The following DAB1 variants were observed in gnomAD, a reference collection of about 807,000 sequenced individuals.
DAB1 encodes the protein disabled homolog 1.
A neutral mutation model predicts 64.6 loss-of-function variants in DAB1; 15 were observed. The ratio of observed to expected loss-of-function variants is 0.23; its 90% CI spans 0.16 to 0.36. The LOEUF (loss-of-function observed/expected upper bound fraction) is 0.36. DAB1 is among the 10% of genes least tolerant of loss of function. The pLI, the probability that DAB1 is intolerant of heterozygous loss-of-function variation, is 1.00. For missense variants in DAB1, 596 were observed against 706.7 expected (o/e 0.84, Z 1.78); for synonymous variants, 235 against 251.9 (o/e 0.93, Z 0.64).
At chr1:57,857,223 T>C (rs1188058072) in intron 1 of DAB1, among the ~76,000 whole-genome samples, 1 of 152,214 alleles carries the variant, frequency 6.6e-6, no homozygotes, top group Admixed American at 6.5e-5. Flanking sequence ...TGGGCATTGT[T>C]AGACAAGGAA....
chr1:57,483,292 G>C (rs1173353665), intron 7 of DAB1, among the ~76,000 whole-genome samples: 1 of 152,134 alleles, frequency 6.6e-6, no homozygotes, highest in Non-Finnish European at 1.5e-5. Flanking sequence ...TGTGTTGTGA[G>C]GGGAGTCCAG....
intron 7 of DAB1, among the ~76,000 whole-genome samples, chr1:57,478,703 C>G (rs1643971389): frequency 6.6e-6 from 1 of 150,724 alleles, no homozygotes; most frequent in Non-Finnish European, 1.5e-5. Context: ...AGCGATTCTC[C>G]TGCCTCAGCC....
At chr1:58,069,465 G>A (rs961645801) in intron 5 of DAB1, among the ~76,000 whole-genome samples, 5 of 151,790 alleles carry the variant, frequency 3.3e-5, no homozygotes, top group Non-Finnish European at 7.4e-5. Flanking sequence ...TGTACTTTAC[G>A]GCGTACCAAG....
At chr1:58,415,667 CATTT>C (rs768738188) in intron 3 of DAB1, among the ~76,000 whole-genome samples, 2 of 152,216 alleles carry the variant, frequency 1.3e-5, no homozygotes, top group South Asian at 2.1e-4. Context: ...CCTACCCATT[CATTT>C]GTTTGTTCAT....
intron 6 of DAB1, among the ~76,000 whole-genome samples, chr1:57,777,601 T>C (rs535426545): frequency 1.3e-5 from 2 of 151,786 alleles, no homozygotes; most frequent in African/African-American, 4.9e-5. Context: ...ATATTATATA[T>C]TTCAACTCTA....
At chr1:57,054,303 G>A (rs1301331565) in intron 9 of DAB1, among the ~76,000 whole-genome samples, 1 of 152,108 alleles carries the variant, frequency 6.6e-6, no homozygotes, top group East Asian at 1.9e-4. Context: ...AGGTGTGATA[G>A]AGTCTGAAAT....
chr1:58,429,262 C>A (rs192566414), intron 3 of DAB1, among the ~76,000 whole-genome samples: 1 of 152,104 alleles, frequency 6.6e-6, no homozygotes, highest in Non-Finnish European at 1.5e-5. Context: ...TTAAATGGTA[C>A]GTGGTGGGGT....
chr1:57,130,199 T>C lies in DAB1; in HGVS notation c.306+6344A>G, dbSNP rs577964162. On this transcript the variant is annotated intron_variant, in intron 4 of 14. Coordinates refer to ENST00000371236, the MANE Select transcript of DAB1 (RefSeq NM_001365792.1). ...AAAGACTGTACAGGAGATGGGACAA[T>C]ATAACCAATAATGTAATATTATTTA... Among the ~76,000 whole-genome samples the C allele has an allele frequency of 2.0e-5, 3 of 152,126 alleles. No homozygotes were observed. The South Asian group carries it at 6.2e-4, about 32-fold the overall frequency.
intron 7 of DAB1, among the ~76,000 whole-genome samples, chr1:57,515,774 G>A (rs1478302770): frequency 1.3e-5 from 2 of 152,218 alleles, no homozygotes; most frequent in African/African-American, 2.4e-5. Context: ...AAGTACCAAG[G>A]ATACAGACAT....
intron 5 of DAB1, among the ~76,000 whole-genome samples, chr1:57,962,921 T>A (rs1226332418): frequency 6.6e-6 from 1 of 152,070 alleles, no homozygotes. Context: ...GAGCCACTTT[T>A]AAAATTTTTT....
intron 5 of DAB1, among the ~76,000 whole-genome samples, chr1:58,119,615 C>G (rs548821626): frequency 6.6e-6 from 1 of 152,098 alleles, no homozygotes; most frequent in Non-Finnish European, 1.5e-5. Flanking sequence ...ACCTGGAAAC[C>G]TGAGTCTCCA....
chr1:57,987,852 T>TG (rs1478529778), intron 5 of DAB1, among the ~76,000 whole-genome samples: 1 of 151,472 alleles, frequency 6.6e-6, no homozygotes, highest in Non-Finnish European at 1.5e-5. Context: ...TTTTTGTTTT[T>TG]TTTTTCAGGA....
chr1:58,488,732 G>A (rs1469042290), intron 3 of DAB1, among the ~76,000 whole-genome samples: 2 of 152,320 alleles, frequency 1.3e-5, no homozygotes, highest in African/African-American at 4.8e-5. Context: ...TTACAGGCGT[G>A]AGCCACCACG....
chr1:57,624,042 G>C (rs1250495976), intron 7 of DAB1, among the ~76,000 whole-genome samples: 1 of 152,138 alleles, frequency 6.6e-6, no homozygotes, highest in African/African-American at 2.4e-5. Flanking sequence ...AGTCTCTCTG[G>C]GGACCCCAGG....
intron 5 of DAB1, among the ~76,000 whole-genome samples, chr1:58,139,290 T>C (rs1654144888): frequency 6.6e-6 from 1 of 152,210 alleles, no homozygotes; most frequent in African/African-American, 2.4e-5. Context: ...TGATGTTTAC[T>C]GTATTCGTCC....
At chr1:57,398,305 C>T (rs1339444985) in intron 1 of DAB1, among the ~76,000 whole-genome samples, 1 of 151,968 alleles carries the variant, frequency 6.6e-6, no homozygotes, top group Admixed American at 6.6e-5. Flanking sequence ...TGCCCTCGAG[C>T]ACAGAGGGAG....
intron 1 of DAB1, chr1:57,306,975 G>C (rs1674236084): frequency 1.3e-5 from 2 of 152,090 alleles, no homozygotes. Context: ...TGGAGGTTGA[G>C]GCCTGAGGCC....
chr1:58,539,324 A>C, intron 1 of DAB1: 1 of 792,758 alleles, frequency 1.3e-6, no homozygotes, highest in East Asian at 2.4e-5. Context: ...AAACAAAAAA[A>C]AAACTATAAA....
intron 4 of DAB1, among the ~76,000 whole-genome samples, chr1:58,225,507 G>A (rs1303668475): frequency 6.6e-6 from 1 of 151,806 alleles, no homozygotes. Flanking sequence ...AAAGACACAT[G>A]CACACGTATG....
Sources: gnomAD v4.1 joint callset for allele counts (sites outside exome capture counted in the v4.1 genomes callset) on GRCh38, gnomAD v4.1.1 for gene constraint, MANE v1.5 for transcripts, NCBI Gene and HGNC (gene_info 2026-07-23, HGNC 2026-07-21) for gene names.